PAQR7: variants seen among roughly 807,000 people sequenced by gnomAD.
PAQR7 encodes the protein progestin and adipoQ receptor family member 7.
PAQR7 carries 14 observed loss-of-function variants against 24.6 expected under a neutral mutation model. That is an observed-to-expected ratio of 0.57 (90% CI 0.38 to 0.89). The LOEUF (loss-of-function observed/expected upper bound fraction) is 0.89, where lower values mean the gene tolerates loss of function less well. Among genes scored for constraint, PAQR7 ranks in the 40% least tolerant of loss-of-function variants. The probability of loss-of-function intolerance (pLI) is 0.00; values close to 1 mark genes in which losing one functional copy is unlikely to be tolerated. For missense variants in PAQR7, 351 were observed against 444.0 expected (o/e 0.79, Z 1.88); for synonymous variants, 189 against 198.8 (o/e 0.95, Z 0.42).
intron 2 of PAQR7, among the ~76,000 whole-genome samples, chr1:25,864,787 G>A (rs2048543176): frequency 6.6e-6 from 1 of 151,790 alleles, no homozygotes; most frequent in African/African-American, 2.4e-5. Flanking sequence ...GGAATTTGAT[G>A]TACAGTGAGC....
chr1:25,863,823 T>G lies in PAQR7; in HGVS notation c.17A>C (p.Lys6Thr). The change falls in exon 3 of 3, where the codon AAA becomes ACA. Residue 6 changes from lysine to threonine, a missense_variant. Lys to Thr is a moderately conservative substitution (Grantham distance 78, BLOSUM62 -1). Transcript: ENST00000675840. This position sits in a 1 kb window ranked among gnomAD's most constrained non-coding sequence, Gnocchi z 6.1. ...CAGACTCGGCAGGAGGTGGCTGAGT[T>G]TCTGGGCCATGGCCATGGCTGTGGG... MAMAQ[K>T]LSHLLPSLRQ... The G allele has an allele frequency of 1.9e-6, 3 of 1,612,090 alleles. No individual in the cohort carries two copies. The highest frequency in any genetic ancestry group is 2.5e-6 in the Non-Finnish European group (3 of 1,179,232).
At position 25,863,177 on chromosome 1, in the gene PAQR7, C is replaced by A. The variant is rs750576966; in HGVS notation, c.663G>T (p.Val221=). Reference sequence around the variant, plus strand: ...CGGAGGACACGAAGATACGATGCACCACAGGACTAATGTCCAGTGCGTAGG... The same window carrying A: ...CGGAGGACACGAAGATACGATGCACAACAGGACTAATGTCCAGTGCGTAGG... ...VLAYALDISP[V]VHRIFVSSDP... Residue 221 remains valine, a synonymous_variant, in exon 3 of 3, where the codon GTG becomes GTT. Transcript: ENST00000675840. This position sits in a 1 kb window ranked among gnomAD's most constrained non-coding sequence, Gnocchi z 6.1. 8.7e-6 allele frequency: 14 copies of A among 1,614,096 alleles called. No individual in the cohort carries two copies. Among genetic ancestry groups the A allele is most frequent in the Non-Finnish European group, 1.2e-5 (14 of 1,180,048 alleles).
In PAQR7 at chr1:25,870,607, ACCT is replaced by A. The variant is rs2048596182; in HGVS notation, c.-24_-23+1del. The stretch of plus-strand genomic sequence containing the variant: ...GAGGGCCAGCTGAAAAGTTTGACTT[ACCT>A]AAGATCACACAGCAGGGCAAAGGCA... On this transcript the variant is annotated splice_donor_variant and 5_prime_UTR_variant, in exon 2 of 3. Coordinates refer to ENST00000675840, the MANE Select transcript of PAQR7 (RefSeq NM_178422.6). LOFTEE classifies it low-confidence loss of function (5UTR_SPLICE). 1 of 152,260 alleles carries A rather than the reference ACCT, an allele frequency of 6.6e-6. No homozygotes were observed. The highest frequency in any genetic ancestry group is 2.1e-4 in the South Asian group (1 of 4,838). 9.4% of individuals were successfully genotyped at this position (152,260 alleles called of 1,614,324 possible).
chr1:25,864,310 C>G (rs1212727571), intron 2 of PAQR7, among the ~76,000 whole-genome samples: 2 of 152,022 alleles, frequency 1.3e-5, no homozygotes, highest in African/African-American at 2.4e-5. Flanking sequence ...GCTAATAGAC[C>G]CACTGCCTCT....
chr1:25,867,305 G>T lies in PAQR7; in HGVS notation c.-23+3304C>A, dbSNP rs565353238. On this transcript the variant is annotated intron_variant, in intron 2 of 2. Transcript: ENST00000675840. ...CCCACTCGGCCTCCCAAAGTGCTGG[G>T]ATTACAAATGTGAGCCACTGTGCTC... Among the ~76,000 whole-genome samples, 4 of 152,284 alleles carry T rather than the reference G, an allele frequency of 2.6e-5. 1 individual carries two copies. In the South Asian group the frequency reaches 8.3e-4, roughly 32 times the overall value.
intron 2 of PAQR7, among the ~76,000 whole-genome samples, chr1:25,866,675 C>G (rs1444944302): frequency 6.6e-6 from 1 of 152,162 alleles, no homozygotes; most frequent in Non-Finnish European, 1.5e-5. Context: ...CCCACCTAGC[C>G]AGGAAGTAGC....
chr1:25,863,780 C>A lies in PAQR7; in HGVS notation c.60G>T (p.Glu20Asp). The change falls in exon 3 of 3, where the codon GAG (glutamate) becomes GAT (aspartate). Residue 20 changes from glutamate (E) to aspartate (D), a missense_variant. Physicochemically the swap from Glu to Asp is conservative, Grantham distance 45. Coordinates refer to ENST00000675840, the MANE Select transcript of PAQR7 (RefSeq NM_178422.6). This position sits in a 1 kb window ranked among gnomAD's most constrained non-coding sequence, Gnocchi z 6.1. Reference sequence around the variant, plus strand: ...GCTCTGGCTGCAGAGATAGCTGAGGCTCCTGGATGACCTGCCGCAGACTCG... The same window carrying A: ...GCTCTGGCTGCAGAGATAGCTGAGGATCCTGGATGACCTGCCGCAGACTCG... ...LLPSLRQVIQEPQLSLQPEPV... is the reference protein window; with the variant it reads ...LLPSLRQVIQDPQLSLQPEPV... 6.2e-7 allele frequency: 1 copy of A among 1,613,542 alleles called. No individual in the cohort carries two copies. The highest frequency in any genetic ancestry group is 8.5e-7 in the Non-Finnish European group (1 of 1,179,966).
Position 25,875,367 on chromosome 1 carries a change from C to T in PAQR7, c.-109+121G>A, listed in dbSNP as rs1444321847. ...TCTTCCCCGGGTCCCAAGTCCGCCC[C>T]TGCCCCGCGGAGCCTTGCTCTTTCC... On this transcript the variant is annotated intron_variant, in intron 1 of 2. Coordinates refer to ENST00000675840, the MANE Select transcript of PAQR7 (RefSeq NM_178422.6). The surrounding 1 kb of genome is among the most constrained non-coding windows in gnomAD (Gnocchi z 5.4). Among the ~76,000 whole-genome samples, 2 of 152,342 alleles carry T rather than the reference C, an allele frequency of 1.3e-5. No homozygotes were observed. Among genetic ancestry groups the T allele is most frequent in the East Asian group, 3.9e-4 (2 of 5,178 alleles).
In PAQR7 at chr1:25,872,509, ATTTTTTTTTT is replaced by A. The variant is rs55654329; in HGVS notation, c.-108-1825_-108-1816del. Among the ~76,000 whole-genome samples, 8 of 108,904 alleles carry A rather than the reference ATTTTTTTTTT, an allele frequency of 7.3e-5. No individual in the cohort carries two copies. In the South Asian group the frequency reaches 2.4e-3, roughly 33 times the overall value. The allele number at this position is 108,904 out of a possible 152,430, so 71.4% of individuals were successfully genotyped here. ...TTCATACCAATGGTAACACCACAGG[ATTTTTTTTTT>A]TTTTTTTTTTTTTTGAGACAGGGTC... On this transcript the variant is annotated intron_variant, in intron 1 of 2. Coordinates refer to ENST00000675840, the MANE Select transcript of PAQR7 (RefSeq NM_178422.6).
Position 25,863,274 on chromosome 1 carries a change from G to A in PAQR7, c.566C>T (p.Ser189Phe), listed in dbSNP as rs2048527439. ...TTTCTGGATGTACTTGTTATAGCAG[G>A]AGCCAATGCAGGAAAGCCAGGCGAG... ...AFLAWLSCIG[S>F]CYNKYIQKPG... Residue 189 changes from serine to phenylalanine, a missense_variant, in exon 3 of 3, where the codon TCC becomes TTC. By Grantham distance (155) the Ser-to-Phe change is radical. Transcript: ENST00000675840. The surrounding 1 kb of genome is among the most constrained non-coding windows in gnomAD (Gnocchi z 6.1). The A allele has an allele frequency of 4.3e-6, 7 of 1,614,248 alleles. No homozygotes were observed. The highest frequency in any genetic ancestry group is 5.9e-6 in the Non-Finnish European group (7 of 1,180,046).
rs1378641865 is a variant in PAQR7, at chr1:25,863,905, C to T, written c.-22-44G>A. ...CAAAGTCAGGGGCCTGGTGTCCTCA[C>T]CCCCACGAGCAGCAGCTGGGGGGCT... On this transcript the variant is annotated intron_variant, in intron 2 of 2. Coordinates refer to ENST00000675840, the MANE Select transcript of PAQR7 (RefSeq NM_178422.6). This position sits in a 1 kb window ranked among gnomAD's most constrained non-coding sequence, Gnocchi z 6.1. 1 of 1,462,550 alleles carries T rather than the reference C, an allele frequency of 6.8e-7. No homozygotes were observed. The highest frequency in any genetic ancestry group is 2.3e-5 in the East Asian group (1 of 43,712). 90.6% of individuals were successfully genotyped at this position (1,462,550 alleles called of 1,614,324 possible).
In PAQR7 at chr1:25,875,079, C is replaced by T. The variant is rs993772917; in HGVS notation, c.-109+409G>A. The stretch of plus-strand genomic sequence containing the variant: ...GCTCCAGGAAGGCAGCGGCCTTGCC[C>T]GGGCCAGACGCCCCTACCCACTCCC... On this transcript the variant is annotated intron_variant, in intron 1 of 2. Transcript: ENST00000675840. This position sits in a 1 kb window ranked among gnomAD's most constrained non-coding sequence, Gnocchi z 5.4. Among the ~76,000 whole-genome samples the T allele has an allele frequency of 1.3e-5, 2 of 152,174 alleles. No homozygotes were observed. The highest frequency in any genetic ancestry group is 4.8e-5 in the African/African-American group (2 of 41,454).
At chr1:25,873,012 A>G (rs1389420912) in intron 1 of PAQR7, among the ~76,000 whole-genome samples, 1 of 152,200 alleles carries the variant, frequency 6.6e-6, no homozygotes, top group Admixed American at 6.5e-5. Context: ...TGGAAGGGAA[A>G]GTCTAACCCC....
chr1:25,874,683 G>C (rs1049157222), intron 1 of PAQR7, among the ~76,000 whole-genome samples: 1 of 152,166 alleles, frequency 6.6e-6, no homozygotes, highest in East Asian at 1.9e-4. Flanking sequence ...GAACTGTTCA[G>C]ACTCCGAGGC....
intron 1 of PAQR7, among the ~76,000 whole-genome samples, chr1:25,872,355 C>T (rs944388921): frequency 6.6e-6 from 1 of 152,142 alleles, no homozygotes; most frequent in Non-Finnish European, 1.5e-5. Context: ...CAGTGACTTC[C>T]AAGGGCCCTT....
At position 25,873,028 on chromosome 1, in the gene PAQR7, A is replaced by G. The variant is rs151091610; in HGVS notation, c.-108-2334T>C. On this transcript the variant is annotated intron_variant, in intron 1 of 2. Coordinates refer to ENST00000675840, the MANE Select transcript of PAQR7 (RefSeq NM_178422.6). Reference sequence around the variant, plus strand: ...GGAAGGGAAAGTCTAACCCCATTAGATACAAATAATAAGGCCAGACCAATG... The same window carrying G: ...GGAAGGGAAAGTCTAACCCCATTAGGTACAAATAATAAGGCCAGACCAATG... Among the ~76,000 whole-genome samples, 630 of 152,322 alleles carry G rather than the reference A, an allele frequency of 4.1e-3. 4 individuals carry two copies. The highest frequency in any genetic ancestry group is 6.8e-3 in the Middle Eastern group (2 of 294).
intron 2 of PAQR7, among the ~76,000 whole-genome samples, chr1:25,869,219 C>T (rs2048583118): frequency 1.3e-5 from 2 of 152,032 alleles, no homozygotes; most frequent in Non-Finnish European, 2.9e-5. Flanking sequence ...CATAACTTGC[C>T]TGGGAGGTAA....
In PAQR7 at chr1:25,875,184, G is replaced by T. The variant is rs1198211107; in HGVS notation, c.-109+304C>A. Among the ~76,000 whole-genome samples the T allele has an allele frequency of 6.6e-6, 1 of 151,788 alleles. No individual in the cohort carries two copies. The highest frequency in any genetic ancestry group is 1.5e-5 in the Non-Finnish European group (1 of 67,988). ...CAAACAGGCTCTCAGGCCCCCATCCGCATCCTCCTCAGCCGTGCTCCTTCT... is the reference window on the plus strand; with the variant it reads ...CAAACAGGCTCTCAGGCCCCCATCCTCATCCTCCTCAGCCGTGCTCCTTCT... On this transcript the variant is annotated intron_variant, in intron 1 of 2. Transcript: ENST00000675840. The surrounding 1 kb of genome is among the most constrained non-coding windows in gnomAD (Gnocchi z 5.4).
rs2124206284 is a variant in PAQR7 at position 25,875,283 on chromosome 1, CCGGG to C, written c.-109+201_-109+204del. ...CCTGCGCCCTCCGCTGGCTGCTTCC[CCGGG>C]CGGGCGTCCTCTCACTTAGCCCAGG... On this transcript the variant is annotated intron_variant, in intron 1 of 2. Coordinates refer to ENST00000675840, the MANE Select transcript of PAQR7 (RefSeq NM_178422.6). This position sits in a 1 kb window ranked among gnomAD's most constrained non-coding sequence, Gnocchi z 5.4. Among the ~76,000 whole-genome samples the C allele has an allele frequency of 6.6e-6, 1 of 152,340 alleles. No homozygotes were observed. The highest frequency in any genetic ancestry group is 2.4e-5 in the African/African-American group (1 of 41,588).
Sources: allele counts gnomAD v4.1 joint callset (sites outside exome capture counted in the v4.1 genomes callset), GRCh38; gene constraint gnomAD v4.1.1; non-coding constraint Gnocchi (gnomAD v3.1); transcripts MANE v1.5; gene names NCBI Gene and HGNC (gene_info 2026-07-23, HGNC 2026-07-21).